Variants in PARM1 observed in about 807,000 individuals in gnomAD.
PARM1 encodes WSC4, cell wall integrity and stress response component 4 homolog.
PARM1 carries 14 observed loss-of-function variants against 24.6 expected under a neutral mutation model. The observed-to-expected ratio is 0.57, with a 90% confidence interval of 0.38 to 0.89. The LOEUF is 0.89. PARM1 is among the 40% of genes least tolerant of loss of function. The pLI, the probability that PARM1 is intolerant of heterozygous loss-of-function variation, is 0.00. For synonymous variants in PARM1, 179 were observed against 156.6 expected (o/e 1.14, Z -1.07); for missense variants, 362 against 380.4 (o/e 0.95, Z 0.40).
At chr4:75,014,938 G>T (rs555188345) in intron 2 of PARM1, among the ~76,000 whole-genome samples, 1 of 152,296 alleles carries the variant, frequency 6.6e-6, no homozygotes, top group African/African-American at 2.4e-5. Context: ...AGCAGAGTTG[G>T]TGTTGACTTT....
intron 1 of PARM1, among the ~76,000 whole-genome samples, chr4:74,949,040 AAAAC>A (rs1053547878): frequency 1.3e-4 from 20 of 152,168 alleles, no homozygotes; most frequent in African/African-American, 3.4e-4. Flanking sequence ...ACAAAAAACA[AAAAC>A]AAACAAAAGG....
At chr4:74,948,271 A>C (rs1441537136) in intron 1 of PARM1, among the ~76,000 whole-genome samples, 1 of 152,234 alleles carries the variant, frequency 6.6e-6, no homozygotes, top group Non-Finnish European at 1.5e-5. Flanking sequence ...ACTGAGGCTC[A>C]AAATGTGGAC....
intron 2 of PARM1, among the ~76,000 whole-genome samples, chr4:75,023,047 C>G (rs1723118737): frequency 6.6e-6 from 1 of 152,064 alleles, no homozygotes; most frequent in Non-Finnish European, 1.5e-5. Flanking sequence ...AAGGGGTAGA[C>G]CAGAGGCTCA....
intron 1 of PARM1, among the ~76,000 whole-genome samples, chr4:74,974,319 T>C (rs1722099038): frequency 6.6e-6 from 1 of 152,196 alleles, no homozygotes; most frequent in Admixed American, 6.5e-5. Context: ...CCCAGTCAAG[T>C]TGACACAAAG....
intron 2 of PARM1, among the ~76,000 whole-genome samples, chr4:75,029,463 T>C (rs917323845): frequency 2.0e-5 from 3 of 152,168 alleles, no homozygotes. Context: ...GTTCTCGTGA[T>C]AGTGAAGATC....
intron 2 of PARM1, among the ~76,000 whole-genome samples, chr4:75,016,204 T>C (rs1722983826): frequency 6.6e-6 from 1 of 151,924 alleles, no homozygotes; most frequent in Non-Finnish European, 1.5e-5. Flanking sequence ...TAAAGAGAGA[T>C]GAAGGGGATT....
rs77486648 is a variant in PARM1, at chr4:74,968,236, A to C, written c.43+34866A>C. Reference sequence around the variant, plus strand: ...GAGCTCTAAATTTGTCAGAGAAATTAGACATTGAACTTTACTTTCCCCAAC... The same window carrying C: ...GAGCTCTAAATTTGTCAGAGAAATTCGACATTGAACTTTACTTTCCCCAAC... On this transcript the variant is annotated intron_variant, in intron 1 of 3. Coordinates refer to ENST00000307428, the MANE Select transcript of PARM1 (RefSeq NM_015393.4). Among the ~76,000 whole-genome samples, 2,388 of 152,354 alleles carry C rather than the reference A, an allele frequency of 0.016. 157 individuals carry two copies. The East Asian group carries it at 0.22, about 14-fold the overall frequency.
At chr4:75,028,679 A>G (rs1723224981) in intron 2 of PARM1, among the ~76,000 whole-genome samples, 1 of 152,164 alleles carries the variant, frequency 6.6e-6, no homozygotes, top group Non-Finnish European at 1.5e-5. Context: ...TCATCTATGG[A>G]TAGCAGTGAG....
intron 1 of PARM1, among the ~76,000 whole-genome samples, chr4:74,989,126 G>C (rs1043543959): frequency 2.0e-5 from 3 of 152,036 alleles, no homozygotes; most frequent in Non-Finnish European, 4.4e-5. Flanking sequence ...AAATGTGTGG[G>C]GATTTCTCCC....
At chr4:75,026,404 G>A (rs994993398) in intron 2 of PARM1, among the ~76,000 whole-genome samples, 4 of 152,180 alleles carry the variant, frequency 2.6e-5, no homozygotes, top group Non-Finnish European at 4.4e-5. Context: ...ACCACCCACA[G>A]CTACATATGG....
intron 3 of PARM1, among the ~76,000 whole-genome samples, chr4:75,040,588 T>C (rs2109814373): frequency 6.6e-6 from 1 of 152,328 alleles, no homozygotes; most frequent in South Asian, 2.1e-4. Context: ...ATAAAATAAA[T>C]TGTAATGATT....
chr4:74,959,844 A>C (rs760768819), intron 1 of PARM1, among the ~76,000 whole-genome samples: 3 of 152,252 alleles, frequency 2.0e-5, no homozygotes, highest in Non-Finnish European at 2.9e-5. Flanking sequence ...AGGATTGATC[A>C]GAGCACTATG....
intron 1 of PARM1, among the ~76,000 whole-genome samples, chr4:74,957,887 A>G (rs1425220654): frequency 6.6e-6 from 1 of 152,136 alleles, no homozygotes; most frequent in African/African-American, 2.4e-5. Context: ...CAGTATTCCA[A>G]ATGGCCTCTC....
At chr4:74,994,419 A>C (rs1722536427) in intron 1 of PARM1, among the ~76,000 whole-genome samples, 1 of 152,166 alleles carries the variant, frequency 6.6e-6, no homozygotes, top group African/African-American at 2.4e-5. Flanking sequence ...AATAAGGCTG[A>C]ATGTCTTTGC....
chr4:74,995,660 A>G lies in PARM1; in HGVS notation c.44-16765A>G, dbSNP rs561707873. On this transcript the variant is annotated intron_variant, in intron 1 of 3. Coordinates refer to ENST00000307428, the MANE Select transcript of PARM1 (RefSeq NM_015393.4). ...TATGAGAAGTACTCAGAGTGCCATT[A>G]AAGAAGAAGCCAAGGCCAAGAGAGA... Among the ~76,000 whole-genome samples the G allele has an allele frequency of 2.3e-4, 35 of 152,204 alleles. No homozygotes were observed. The South Asian group carries it at 2.9e-3, about 13-fold the overall frequency.
chr4:74,933,692 C>T (rs1721115859), intron 1 of PARM1, among the ~76,000 whole-genome samples: 1 of 152,224 alleles, frequency 6.6e-6, no homozygotes, highest in African/African-American at 2.4e-5. Flanking sequence ...TCTCTTTCTT[C>T]ACCAGGGTTT....
intron 1 of PARM1, among the ~76,000 whole-genome samples, chr4:74,943,171 C>G (rs1004973209): frequency 4.6e-5 from 7 of 152,192 alleles, no homozygotes; most frequent in African/African-American, 1.4e-4. Flanking sequence ...ACACCATATT[C>G]CCAGTGCCTC....
chr4:75,029,260 G>A (rs534411997), intron 2 of PARM1, among the ~76,000 whole-genome samples: 23 of 152,272 alleles, frequency 1.5e-4, no homozygotes, highest in East Asian at 9.7e-4. Flanking sequence ...AGTAGTGGCC[G>A]ACAAGGCTGA....
chr4:74,960,407 C>T (rs564193054), intron 1 of PARM1, among the ~76,000 whole-genome samples: 11 of 152,172 alleles, frequency 7.2e-5, no homozygotes, highest in Non-Finnish European at 5.9e-5. Flanking sequence ...TGGAAAGTCA[C>T]GACATATGAT....
Sources: gnomAD v4.1 joint callset for allele counts (sites outside exome capture counted in the v4.1 genomes callset) on GRCh38, gnomAD v4.1.1 for gene constraint, MANE v1.5 for transcripts, NCBI Gene and HGNC (gene_info 2026-07-23, HGNC 2026-07-21) for gene names.